The following LRBA variants were observed in gnomAD, a reference collection of about 807,000 sequenced individuals.
LRBA encodes lipopolysaccharide-responsive and beige-like anchor protein.
A neutral mutation model predicts 330.0 loss-of-function variants in LRBA; 176 were observed. That is an observed-to-expected ratio of 0.53 (90% CI 0.47 to 0.60). The LOEUF is 0.60. Ranked by LOEUF, LRBA falls within the 20% of genes least tolerant of loss-of-function variation. The probability of loss-of-function intolerance (pLI) is 0.00; values close to 1 mark genes in which losing one functional copy is unlikely to be tolerated. For synonymous variants in LRBA, 1,230 were observed against 1,193.0 expected (o/e 1.03, Z -0.64); for missense variants, 3,259 against 3,444.8 (o/e 0.95, Z 1.35).
rs528888240 is a variant in LRBA at position 150,544,329 on chromosome 4, T to C, written c.6330+43719A>G. 5.3e-5 allele frequency among the ~76,000 whole-genome samples: 8 copies of C among 152,264 alleles called. No individual in the cohort carries two copies. The South Asian group carries it at 1.5e-3, about 28-fold the overall frequency. On this transcript the variant is annotated intron_variant, in intron 40 of 56. Coordinates refer to ENST00000651943, the MANE Select transcript of LRBA (RefSeq NM_001364905.1). ...TTTTAGTAGTGACGGAGTTTTGCCA[T>C]GTTGGCCAGGCTGGTCTCAAACCCC...
chr4:150,954,781 T>A (rs1388170192), intron 2 of LRBA, among the ~76,000 whole-genome samples: 5 of 52,574 alleles, frequency 9.5e-5, no homozygotes, highest in African/African-American at 2.0e-4. Flanking sequence ...AAAAATTTTT[T>A]AAAAATTAAA....
At chr4:150,363,309 GC>G (rs1333352367) in intron 47 of LRBA, among the ~76,000 whole-genome samples, 1 of 152,052 alleles carries the variant, frequency 6.6e-6, no homozygotes, top group Admixed American at 6.6e-5. Flanking sequence ...CCTTGGCTAA[GC>G]CTTCCTCAAC....
At chr4:150,598,938 T>C (rs1159610240) in intron 38 of LRBA, 69 bp downstream of exon 38, 3 of 1,566,594 alleles carry the variant, frequency 1.9e-6, no homozygotes, top group East Asian at 4.5e-5. Context: ...CTTGTAATAA[T>C]GAAGTTATGC....
chr4:150,664,461 CTTCT>C (rs1414951659), intron 37 of LRBA, among the ~76,000 whole-genome samples: 1 of 152,186 alleles, frequency 6.6e-6, no homozygotes, highest in East Asian at 1.9e-4. Context: ...TGACATTTCA[CTTCT>C]TTATTTCTCC....
chr4:150,300,021 T>C (rs1307733653), intron 53 of LRBA, among the ~76,000 whole-genome samples: 2 of 152,142 alleles, frequency 1.3e-5, no homozygotes, highest in African/African-American at 2.4e-5. Flanking sequence ...CAGAGGCTTA[T>C]AAAATCCGAA....
At chr4:150,335,688 A>G (rs1734633462) in intron 48 of LRBA, among the ~76,000 whole-genome samples, 2 of 151,878 alleles carry the variant, frequency 1.3e-5, no homozygotes, top group African/African-American at 4.8e-5. Context: ...AGCACTCAAT[A>G]AATGTTTTTG....
chr4:150,275,439 G>A (rs1185936662), intron 56 of LRBA, among the ~76,000 whole-genome samples: 1 of 152,096 alleles, frequency 6.6e-6, no homozygotes, highest in South Asian at 2.1e-4. Flanking sequence ...AGGGCAATCA[G>A]GCAAGAGAAA....
chr4:150,639,779 ATATGTGTGTGTG>A (rs1172955626), intron 37 of LRBA, among the ~76,000 whole-genome samples: 220 of 3,536 alleles, frequency 0.062, 52 homozygotes, highest in Middle Eastern at 0.25. Flanking sequence ...ATATATATAT[ATATGTGTGTGTG>A]TATATATATA....
intron 37 of LRBA, among the ~76,000 whole-genome samples, chr4:150,670,880 T>A (rs991553830): frequency 4.4e-4 from 67 of 152,142 alleles, no homozygotes; most frequent in African/African-American, 1.6e-3. Context: ...TTTGCTCTAA[T>A]CCTAGGATAC....
intron 44 of LRBA, among the ~76,000 whole-genome samples, chr4:150,460,980 A>C (rs1754705382): frequency 6.6e-6 from 1 of 151,844 alleles, no homozygotes; most frequent in Non-Finnish European, 1.5e-5. Flanking sequence ...TACTCAATTA[A>C]CAACCAATAA....
chr4:150,300,744 TATATC>T (rs1289017622), intron 53 of LRBA, among the ~76,000 whole-genome samples: 1 of 152,132 alleles, frequency 6.6e-6, no homozygotes, highest in Non-Finnish European at 1.5e-5. Flanking sequence ...AATGTATACA[TATATC>T]ATGATATATA....
intron 2 of LRBA, among the ~76,000 whole-genome samples, chr4:151,012,600 A>G: frequency 6.6e-6 from 1 of 152,190 alleles, no homozygotes; most frequent in Non-Finnish European, 1.5e-5. Context: ...AAGATCCCCA[A>G]AATGTTGACA....
chr4:150,291,608 C>T (rs1238422784), intron 53 of LRBA, among the ~76,000 whole-genome samples: 2 of 108,292 alleles, frequency 1.8e-5, no homozygotes, highest in Non-Finnish European at 3.8e-5. Flanking sequence ...AATAGGAACA[C>T]TTTTACACTG....
chr4:150,524,755 C>T lies in LRBA; in HGVS notation c.6331-33720G>A, dbSNP rs77992107. Among the ~76,000 whole-genome samples the T allele has an allele frequency of 1.2e-3, 182 of 152,132 alleles. 4 individuals carry two copies. Among genetic ancestry groups the T allele is most frequent in the African/African-American group, 4.3e-3 (178 of 41,532 alleles). On this transcript the variant is annotated intron_variant, in intron 40 of 56. Transcript: ENST00000651943. ...AAATATTGTGTATTGTGAAATACTG[C>T]CTGTAAACTAGCAATTAGTCCCACT... is the stretch of plus-strand genomic sequence containing the variant.
chr4:150,422,761 G>A, intron 46 of LRBA: 1 of 1,289,766 alleles, frequency 7.8e-7, no homozygotes, highest in South Asian at 1.2e-5. Context: ...ATGACCTGGT[G>A]GCCAGCTGGG....
chr4:150,588,947 C>T (rs1772455564), intron 39 of LRBA, among the ~76,000 whole-genome samples: 1 of 151,946 alleles, frequency 6.6e-6, no homozygotes, highest in African/African-American at 2.4e-5. Flanking sequence ...AATAGATTCA[C>T]TACAGACAGA....
chr4:150,818,557 TGTGTGTGC>T (rs774130390), intron 30 of LRBA, among the ~76,000 whole-genome samples: 2,214 of 150,990 alleles, frequency 0.015, 57 homozygotes, highest in African/African-American at 0.048. Context: ...TGTGTGTGTG[TGTGTGTGC>T]GTGCACGAAT....
rs995966739 is a variant in LRBA, at chr4:150,583,942, C to T, written c.6330+4106G>A. 4.3e-6 allele frequency: 7 copies of T among 1,613,412 alleles called. No individual in the cohort carries two copies. In the South Asian group the frequency reaches 6.6e-5, roughly 15 times the overall value. On this transcript the variant is annotated intron_variant, in intron 40 of 56. Coordinates refer to ENST00000651943, the MANE Select transcript of LRBA (RefSeq NM_001364905.1). This position sits in a 1 kb window ranked among gnomAD's most constrained non-coding sequence, Gnocchi z 9.8. ...GGGCGACCGGCTCAACGGCATCCTG[C>T]TGCAGCTCATCTCCTGCCTGCAGTG...
intron 52 of LRBA, among the ~76,000 whole-genome samples, chr4:150,308,351 C>T (rs1357845393): frequency 3.3e-5 from 5 of 152,270 alleles, no homozygotes; most frequent in African/African-American, 7.2e-5. Context: ...GCATCACTCA[C>T]GTTTGTGGTG....
Sources: gnomAD v4.1 joint callset for allele counts (sites outside exome capture counted in the v4.1 genomes callset) on GRCh38, gnomAD v4.1.1 for gene constraint, Gnocchi (gnomAD v3.1) non-coding constraint, MANE v1.5 for transcripts, NCBI Gene and HGNC (gene_info 2026-07-23, HGNC 2026-07-21) for gene names.